VIT: variants seen among roughly 807,000 people sequenced by gnomAD.
VIT encodes the protein vitrin.
Under a neutral mutation model 78.0 loss-of-function variants are expected in VIT, and 99 were observed. The observed-to-expected ratio is 1.27, with a 90% CI of 1.08 to 1.50. The LOEUF is 1.50. Ranked by LOEUF, VIT falls within the 40% of genes most tolerant of loss-of-function variation. The pLI is 0.00. For synonymous variants in VIT, 374 were observed against 334.3 expected (o/e 1.12, Z -1.29); for missense variants, 1,126 against 875.3 (o/e 1.29, Z -3.61).
chr2:36,782,522 G>A (rs1664828480), intron 10 of VIT, among the ~76,000 whole-genome samples: 1 of 152,242 alleles, frequency 6.6e-6, no homozygotes, highest in African/African-American at 2.4e-5. Context: ...CCACTCCGGG[G>A]AATCCCGGAA....
intron 12 of VIT, among the ~76,000 whole-genome samples, chr2:36,797,474 G>A (rs182504575): frequency 3.5e-4 from 54 of 152,298 alleles, no homozygotes; most frequent in Non-Finnish European, 6.0e-4. Context: ...GATGAGGAGA[G>A]TGTCAGGAAC....
intron 2 of VIT, 76 bp from the exon 3 acceptor site, chr2:36,729,350 A>G: frequency 7.6e-7 from 1 of 1,315,044 alleles, no homozygotes; most frequent in East Asian, 2.6e-5. Flanking sequence ...GGATGATCGA[A>G]GCAAGTATGA....
chr2:36,752,169 C>A (rs1186400013), intron 4 of VIT, among the ~76,000 whole-genome samples: 1 of 152,176 alleles, frequency 6.6e-6, no homozygotes, highest in African/African-American at 2.4e-5. Flanking sequence ...GGATAATGAA[C>A]ATATTTGAGG....
chr2:36,704,493 G>A (rs1392727846), intron 1 of VIT, among the ~76,000 whole-genome samples: 1 of 152,182 alleles, frequency 6.6e-6, no homozygotes, highest in Admixed American at 6.5e-5. Flanking sequence ...TAGTCAGGGG[G>A]CCCTGCAGGA....
intron 7 of VIT, among the ~76,000 whole-genome samples, chr2:36,771,010 A>G (rs986306939): frequency 8.5e-5 from 13 of 152,250 alleles, no homozygotes; most frequent in African/African-American, 3.1e-4. Flanking sequence ...AGAGGCCAGC[A>G]TCTTATCACA....
At chr2:36,746,634 T>A (rs1429784878) in intron 4 of VIT, among the ~76,000 whole-genome samples, 1 of 152,166 alleles carries the variant, frequency 6.6e-6, no homozygotes, top group Non-Finnish European at 1.5e-5. Context: ...TTCTGTGGGA[T>A]TGGTTGCAAT....
At chr2:36,798,651 C>T (rs749313917) in intron 12 of VIT, among the ~76,000 whole-genome samples, 1 of 152,110 alleles carries the variant, frequency 6.6e-6, no homozygotes, top group Non-Finnish European at 1.5e-5. Context: ...CCCAGCTACT[C>T]CAGAGGCTGA....
intron 2 of VIT, among the ~76,000 whole-genome samples, chr2:36,722,011 A>G (rs1337926974): frequency 1.3e-5 from 2 of 152,372 alleles, no homozygotes; most frequent in South Asian, 2.1e-4. Context: ...TAGGCACTCA[A>G]TAAATATTTC....
Position 36,795,369 on chromosome 2 carries a change from A to T in VIT, c.1059-5932A>T, listed in dbSNP as rs12373784. 5.2e-3 allele frequency among the ~76,000 whole-genome samples: 327 copies of T among 62,480 alleles called. 1 individual carries two copies. The highest frequency in any genetic ancestry group is 4.3e-3 in the Non-Finnish European group (129 of 29,708). 41.0% of individuals were successfully genotyped at this position (62,480 alleles called of 152,430 possible). On this transcript the variant is annotated intron_variant, in intron 12 of 15. Transcript: ENST00000379242. ...TATTTTATTTTATTTTATTTTATTT[A>T]TTTTATTTTATTTTATATTTTATTT... is the stretch of plus-strand genomic sequence containing the variant.
intron 1 of VIT, among the ~76,000 whole-genome samples, chr2:36,713,207 T>C (rs540428899): frequency 2.3e-4 from 35 of 152,264 alleles, no homozygotes; most frequent in Non-Finnish European, 2.4e-4. Context: ...TCATGACAGG[T>C]AACATTTAAG....
rs1344626878 is a variant in VIT, at chr2:36,767,119, G to C, written c.513G>C (p.Arg171Ser). ...QAGETTKAYQ[R>S]PPIPGTTAQP... The stretch of plus-strand genomic sequence containing the variant: ...GTGAGACCACAAAAGCCTATCAGAG[G>C]CCACCTATTCCAGGGACAACTGCAC... Residue 171 changes from arginine to serine, a missense_variant, in exon 7 of 16, where the codon AGG (arginine) becomes AGC (serine). Transcript: ENST00000379242. 6.2e-7 allele frequency: 1 copy of C among 1,603,484 alleles called. No individual in the cohort carries two copies. Among genetic ancestry groups the C allele is most frequent in the Non-Finnish European group, 8.5e-7 (1 of 1,175,576 alleles).
chr2:36,762,008 C>T (rs2148570612), intron 6 of VIT, among the ~76,000 whole-genome samples: 1 of 152,342 alleles, frequency 6.6e-6, no homozygotes, highest in South Asian at 2.1e-4. Context: ...AACTCGGTAT[C>T]ACCTTAAAGC....
chr2:36,776,391 C>G (rs10194802), intron 9 of VIT, among the ~76,000 whole-genome samples: 2,214 of 152,300 alleles, frequency 0.015, 55 homozygotes, highest in African/African-American at 0.051. Context: ...TTATGATAGA[C>G]ATTGGAGACA....
At chr2:36,769,729 A>T (rs1669635951) in intron 7 of VIT, among the ~76,000 whole-genome samples, 1 of 152,184 alleles carries the variant, frequency 6.6e-6, no homozygotes, top group Non-Finnish European at 1.5e-5. Flanking sequence ...TAAAGTACAA[A>T]TCAATGGTTT....
rs190893523 is a variant in VIT, at chr2:36,776,875, G to T, written c.802+1808G>T. On this transcript the variant is annotated intron_variant, in intron 9 of 15. Transcript: ENST00000379242. ...GAGGCCAAGGAGGGCAGATCACGAG[G>T]TCAGGAGATCGAGACCATCCCGGCT... Among the ~76,000 whole-genome samples the T allele has an allele frequency of 2.6e-3, 395 of 151,946 alleles. 1 individual carries two copies. The highest frequency in any genetic ancestry group is 9.1e-3 in the African/African-American group (377 of 41,476).
Position 36,808,769 on chromosome 2 carries a change from G to A in VIT, c.1687G>A (p.Gly563Arg), listed in dbSNP as rs1666932231. Residue 563 changes from glycine to arginine, a missense_variant, in exon 15 of 16, where the codon GGG becomes AGG. By Grantham distance (125) the Gly-to-Arg change is moderately radical. Transcript: ENST00000379242. ...QYTYEQRLEF[G>R]FDKYSSKPDI... ...CACCTACGAACAGCGGCTGGAGTTTGGGTTCGACAAGTACAGCAGCAAGCC... is the reference window on the plus strand; with the variant it reads ...CACCTACGAACAGCGGCTGGAGTTTAGGTTCGACAAGTACAGCAGCAAGCC... The A allele has an allele frequency of 1.9e-6, 3 of 1,613,956 alleles. No individual in the cohort carries two copies. The highest frequency in any genetic ancestry group is 2.5e-6 in the Non-Finnish European group (3 of 1,179,834).
At chr2:36,769,391 A>G (rs978554704) in intron 7 of VIT, among the ~76,000 whole-genome samples, 1 of 152,174 alleles carries the variant, frequency 6.6e-6, no homozygotes, top group Non-Finnish European at 1.5e-5. Flanking sequence ...AAGCTTCTTT[A>G]TTCCTGGCTT....
chr2:36,770,417 G>A (rs976028155), intron 7 of VIT, among the ~76,000 whole-genome samples: 4 of 152,204 alleles, frequency 2.6e-5, no homozygotes, highest in African/African-American at 9.7e-5. Flanking sequence ...AAGACACAGG[G>A]GTTCTTCCAG....
chr2:36,794,438 C>T (rs528199249), intron 12 of VIT, among the ~76,000 whole-genome samples: 2 of 152,248 alleles, frequency 1.3e-5, no homozygotes, highest in African/African-American at 4.8e-5. Flanking sequence ...CTTTTAGTCT[C>T]CAAGTCTGAA....
Sources: allele counts gnomAD v4.1 joint callset (sites outside exome capture counted in the v4.1 genomes callset), GRCh38; gene constraint gnomAD v4.1.1; transcripts MANE v1.5; gene names NCBI Gene and HGNC (gene_info 2026-07-23, HGNC 2026-07-21).